Variants in SNTG2 observed in about 807,000 individuals in gnomAD.
SNTG2 encodes syntrophin gamma 2.
In SNTG2, 74 loss-of-function variants were observed where a neutral mutation model predicts 70.9. The observed-to-expected ratio is 1.04, with a 90% CI of 0.86 to 1.27. The LOEUF is 1.27. Ranked by LOEUF, SNTG2 falls within the 50% of genes most tolerant of loss-of-function variation. The pLI is 0.00. For synonymous variants in SNTG2, 278 were observed against 273.8 expected, an observed-to-expected ratio of 1.02 and a Z score of -0.15; for missense variants, 717 against 690.7, an observed-to-expected ratio of 1.04 and a Z score of -0.43.
intron 1 of SNTG2, among the ~76,000 whole-genome samples, chr2:971,042 C>G (rs1660722905): frequency 6.6e-6 from 1 of 152,196 alleles, no homozygotes; most frequent in Non-Finnish European, 1.5e-5. Context: ...CACTTTTACA[C>G]TGTTGGTGGG....
At chr2:1,126,037 A>G (rs1667679587) in intron 4 of SNTG2, among the ~76,000 whole-genome samples, 1 of 152,118 alleles carries the variant, frequency 6.6e-6, no homozygotes, top group Admixed American at 6.5e-5. Context: ...GAAAATAAAC[A>G]ATATATTATT....
At chr2:1,238,868 C>T (rs552541543) in intron 10 of SNTG2, among the ~76,000 whole-genome samples, 1 of 152,340 alleles carries the variant, frequency 6.6e-6, no homozygotes, top group East Asian at 1.9e-4. Context: ...GATGCACCCG[C>T]CCTGCCCCTG....
At chr2:1,325,302 T>C (rs900315984) in intron 16 of SNTG2, among the ~76,000 whole-genome samples, 2 of 152,174 alleles carry the variant, frequency 1.3e-5, no homozygotes, top group Non-Finnish European at 2.9e-5. Flanking sequence ...GAAAGGTAAA[T>C]GTTTAAGTTT....
rs201548311 is a variant in SNTG2 at position 1,257,953 on chromosome 2, GT to G, written c.1006-1409del. ...TGTCTCTGAATAGGGTGTTTAGTGGGTTTTTTTTCCCCTTTATATTTACAGC... is the reference window on the plus strand; with the variant it reads ...TGTCTCTGAATAGGGTGTTTAGTGGGTTTTTTTCCCCTTTATATTTACAGC... On this transcript the variant is annotated intron_variant, in intron 12 of 16. Transcript: ENST00000308624. Among the ~76,000 whole-genome samples, 1,009 of 152,226 alleles carry G rather than the reference GT, an allele frequency of 6.6e-3. 8 individuals are homozygous for G. Among genetic ancestry groups the G allele is most frequent in the African/African-American group, 0.023 (956 of 41,550 alleles).
chr2:1,323,848 A>G (rs377054195), intron 16 of SNTG2, among the ~76,000 whole-genome samples: 4 of 151,468 alleles, frequency 2.6e-5, no homozygotes, highest in Admixed American at 1.3e-4. Context: ...GGACATGGCT[A>G]ACAGTCATAT....
At chr2:1,072,273 T>C (rs1000511341) in intron 1 of SNTG2, among the ~76,000 whole-genome samples, 1 of 152,028 alleles carries the variant, frequency 6.6e-6, no homozygotes. Flanking sequence ...GACTCTCTTA[T>C]TCTGGGCTAA....
At chr2:964,488 G>A (rs1396988239) in intron 1 of SNTG2, among the ~76,000 whole-genome samples, 2 of 152,212 alleles carry the variant, frequency 1.3e-5, no homozygotes, top group Non-Finnish European at 2.9e-5. Context: ...GCTGACTGTA[G>A]GATGCAGATG....
intron 4 of SNTG2, among the ~76,000 whole-genome samples, chr2:1,112,533 T>TTGAGAAGGA (rs1666551481): frequency 1.4e-4 from 21 of 151,476 alleles, no homozygotes; most frequent in African/African-American, 2.4e-4. Context: ...TTACAGTCCT[T>TTGAGAAGGA]TCAGAAAGAT....
rs1667249888 is a variant in SNTG2 at position 1,119,551 on chromosome 2, CGT to C, written c.326-18070_326-18069del. Among the ~76,000 whole-genome samples the C allele has an allele frequency of 3.9e-5, 5 of 129,304 alleles. No individual in the cohort carries two copies. The Admixed American group carries it at 4.0e-4, about 10-fold the overall frequency. 84.8% of individuals were successfully genotyped at this position (129,304 alleles called of 152,430 possible). On this transcript the variant is annotated intron_variant, in intron 4 of 16. Coordinates refer to ENST00000308624, the MANE Select transcript of SNTG2 (RefSeq NM_018968.4). ...AACTGTGGAGGAGAAGTTAAAGGCTCGTTTTTTTTTTTTTTGTATAAAAAAAT... is the reference window on the plus strand; with the variant it reads ...AACTGTGGAGGAGAAGTTAAAGGCTCTTTTTTTTTTTTTGTATAAAAAAAT...
Position 1,353,423 on chromosome 2 carries a change from T to C in SNTG2, c.1489-13920T>C, listed in dbSNP as rs1411880549. On this transcript the variant is annotated intron_variant, in intron 16 of 16. Coordinates refer to ENST00000308624, the MANE Select transcript of SNTG2 (RefSeq NM_018968.4). This position sits in a 1 kb window ranked among gnomAD's most constrained non-coding sequence, Gnocchi z 4.2. ...TGTTCCTCGTGATTGTTGCATTTCA[T>C]CCTATACTTCTTGGGCTTATTCTAA... 6.6e-6 allele frequency among the ~76,000 whole-genome samples: 1 copy of C among 152,166 alleles called. No individual in the cohort carries two copies. The highest frequency in any genetic ancestry group is 2.4e-5 in the African/African-American group (1 of 41,428).
At position 1,367,414 on chromosome 2, in the gene SNTG2, C is replaced by T. The variant is rs996653913; in HGVS notation, c.1560C>T (p.Ser520=). The change falls in exon 17 of 17, where the codon TCC becomes TCT. Residue 520 remains serine (S), a synonymous_variant. Transcript: ENST00000308624. ...IHSFIAAKVA[S]VDPGFMDSQS... ...CCTTCATAGCAGCCAAGGTGGCCTC[C>T]GTGGACCCCGGCTTCATGGACAGTC... is the stretch of plus-strand genomic sequence containing the variant. 22 of 1,551,594 alleles carry T rather than the reference C, an allele frequency of 1.4e-5. No homozygotes were observed. Among genetic ancestry groups the T allele is most frequent in the East Asian group, 4.9e-5 (2 of 40,922 alleles).
chr2:1,100,822 G>C (rs538909379), intron 4 of SNTG2, among the ~76,000 whole-genome samples: 8 of 152,280 alleles, frequency 5.3e-5, no homozygotes, highest in African/African-American at 1.9e-4. Flanking sequence ...AGTAAGGTTA[G>C]CCAGTAGGTA....
At chr2:1,012,153 G>A (rs1450901100) in intron 1 of SNTG2, among the ~76,000 whole-genome samples, 3 of 152,108 alleles carry the variant, frequency 2.0e-5, no homozygotes, top group East Asian at 3.9e-4. Context: ...TACGAGCAAC[G>A]ATCACAGTGG....
intron 4 of SNTG2, among the ~76,000 whole-genome samples, chr2:1,115,715 AC>A (rs1427352996): frequency 1.7e-5 from 2 of 117,272 alleles, no homozygotes; most frequent in Non-Finnish European, 4.0e-5. Flanking sequence ...GATCGTGTGT[AC>A]TAAGTGATGT....
At chr2:1,135,224 G>A (rs756352072) in intron 4 of SNTG2, among the ~76,000 whole-genome samples, 33 of 152,130 alleles carry the variant, frequency 2.2e-4, no homozygotes, top group Non-Finnish European at 3.5e-4. Flanking sequence ...TGGGAATTTG[G>A]TTATGCATTT....
At chr2:1,299,573 A>C (rs1680362245) in intron 14 of SNTG2, among the ~76,000 whole-genome samples, 1 of 152,106 alleles carries the variant, frequency 6.6e-6, no homozygotes, top group Non-Finnish European at 1.5e-5. Context: ...GCACAGCCTC[A>C]CCTTGGTCTC....
chr2:1,003,757 T>C (rs1362216505), intron 1 of SNTG2, among the ~76,000 whole-genome samples: 3 of 152,322 alleles, frequency 2.0e-5, no homozygotes, highest in East Asian at 1.9e-4. Context: ...TGATGCACTT[T>C]TAAGCATCAC....
At chr2:1,060,014 A>G (rs913548749) in intron 1 of SNTG2, among the ~76,000 whole-genome samples, 7 of 152,224 alleles carry the variant, frequency 4.6e-5, no homozygotes, top group Admixed American at 4.6e-4. Context: ...AGAGATGGAA[A>G]GAATGGTTAG....
chr2:1,227,025 G>A (rs949248366), intron 9 of SNTG2, among the ~76,000 whole-genome samples: 3 of 152,246 alleles, frequency 2.0e-5, no homozygotes, highest in African/African-American at 7.2e-5. Context: ...CCTGCGTGCT[G>A]TCTGCCCTAA....
Sources: gnomAD v4.1 joint callset for allele counts (sites outside exome capture counted in the v4.1 genomes callset) on GRCh38, gnomAD v4.1.1 for gene constraint, Gnocchi (gnomAD v3.1) non-coding constraint, MANE v1.5 for transcripts, NCBI Gene and HGNC (gene_info 2026-07-23, HGNC 2026-07-21) for gene names.